Variants in CDCA3 observed in about 807,000 individuals in gnomAD.
CDCA3 encodes cell division cycle associated 3, also known as cell division cycle-associated protein 3.
CDCA3 carries 16 observed loss-of-function variants against 29.1 expected under a neutral mutation model. That is an observed-to-expected ratio of 0.55 (90% CI 0.37 to 0.83). The LOEUF (loss-of-function observed/expected upper bound fraction) is 0.83, where lower values mean the gene tolerates loss of function less well. Ranked by LOEUF, CDCA3 falls within the 40% of genes least tolerant of loss-of-function variation. The probability of loss-of-function intolerance (pLI) is 0.00; values close to 1 mark genes in which losing one functional copy is unlikely to be tolerated. For synonymous variants in CDCA3, 88 were observed against 124.5 expected (o/e 0.71, Z 1.95); for missense variants, 291 against 327.2 (o/e 0.89, Z 0.85).
downstream of CDCA3, chr12:6,847,248 C>T (rs1943725029): frequency 6.4e-6 from 2 of 312,850 alleles, no homozygotes; most frequent in Admixed American, 4.3e-5. Context: ...TACCTTTGTC[C>T]AGGCCTGGGT....
Position 6,849,823 on chromosome 12 carries a change from C to T in CDCA3, c.286G>A (p.Val96Ile), listed in dbSNP as rs782448737. ...GATTTAGAGTCTTCAGTTTCAAATA[C>T]TTCACTCAGCTGTTTCACCAGTGGG... is the stretch of plus-strand genomic sequence containing the variant. The part of the protein sequence containing the change: ...PSPLVKQLSE[V>I]FETEDSKSNL... The change falls in exon 4 of 6, where the codon GTA becomes ATA. Residue 96 changes from valine (V) to isoleucine (I), a missense_variant. By Grantham distance (29) the Val-to-Ile change is conservative. Coordinates refer to ENST00000538862, the MANE Select transcript of CDCA3 (RefSeq NM_031299.7). The surrounding 1 kb of genome is among the most constrained non-coding windows in gnomAD (Gnocchi z 5.2). The T allele has an allele frequency of 3.8e-6, 6 of 1,560,244 alleles. No homozygotes were observed. The highest frequency in any genetic ancestry group is 1.9e-5 in the Admixed American group (1 of 52,992).
Position 6,849,889 on chromosome 12 carries a change from C to G in CDCA3, c.251-31G>C. The G allele has an allele frequency of 6.7e-7, 1 of 1,491,362 alleles. No individual in the cohort carries two copies. The highest frequency in any genetic ancestry group is 8.9e-7 in the Non-Finnish European group (1 of 1,117,460). 92.4% of individuals were successfully genotyped at this position (1,491,362 alleles called of 1,614,324 possible). A position where few individuals can be genotyped will look rare whatever the true frequency, so the allele number is the denominator to read the frequency against. The stretch of plus-strand genomic sequence containing the variant: ...GGAAGAAAGTGAAGTGAACAGTGAC[C>G]TTCTGATACACAACATTCAGCAAGG... On this transcript the variant is annotated intron_variant, in intron 3 of 5. Coordinates refer to ENST00000538862, the MANE Select transcript of CDCA3 (RefSeq NM_031299.7). This position sits in a 1 kb window ranked among gnomAD's most constrained non-coding sequence, Gnocchi z 5.2.
chr12:6,850,504 A>G lies in CDCA3; in HGVS notation c.213T>C (p.Leu71=). 1.9e-6 allele frequency: 3 copies of G among 1,614,050 alleles called. No homozygotes were observed. The highest frequency in any genetic ancestry group is 2.5e-6 in the Non-Finnish European group (3 of 1,179,996). ...TCTTCATAGGTGTCCGTGCAATACC[A>G]AGAGTAGGAGAGCGGGGATCTGAGT... ...AQDSDPRSPT[L]GIARTPMKTS... Residue 71 remains leucine, a synonymous_variant, in exon 3 of 6, where the codon CTT becomes CTC. Coordinates refer to ENST00000538862, the MANE Select transcript of CDCA3 (RefSeq NM_031299.7). This position sits in a 1 kb window ranked among gnomAD's most constrained non-coding sequence, Gnocchi z 4.7.
rs782699295 is a variant in CDCA3, at chr12:6,850,596, C to G, written c.121G>C (p.Val41Leu). 1.9e-5 allele frequency: 31 copies of G among 1,614,100 alleles called. No homozygotes were observed. The highest frequency in any genetic ancestry group is 2.5e-5 in the Non-Finnish European group (30 of 1,180,006). Residue 41 changes from valine to leucine, a missense_variant and splice_region_variant, in exon 3 of 6, where the codon GTG becomes CTG. Transcript: ENST00000538862. This position sits in a 1 kb window ranked among gnomAD's most constrained non-coding sequence, Gnocchi z 4.7. ...AGGCCTGGCTGTGGAGAGCTCTCCA[C>G]CTGTCAAGACCATAGGCTAGAACAA... ...SAGILRTPIQ[V>L]ESSPQPGLPA...
rs1745464269 is a variant in CDCA3, at chr12:6,849,103, T to A, written c.747A>T (p.Ala249=). The A allele has an allele frequency of 1.3e-6, 2 of 1,501,704 alleles. No homozygotes were observed. The highest frequency in any genetic ancestry group is 1.9e-6 in the Non-Finnish European group (2 of 1,077,384). The allele number at this position is 1,501,704 out of a possible 1,614,324, so 93.0% of individuals were successfully genotyped here. A position where few individuals can be genotyped will look rare whatever the true frequency, so the allele number is the denominator to read the frequency against. Residue 249 remains alanine, a synonymous_variant, in exon 6 of 6, where the codon GCA becomes GCT. Transcript: ENST00000538862. This position sits in a 1 kb window ranked among gnomAD's most constrained non-coding sequence, Gnocchi z 5.2. ...TGTCATGGTCCTGGCCTTGCTCCCA[T>A]GCTCGTCCTCCAGTTTTCAGAAGTC... ...TGRLLKTGGR[A]WEQGQDHDKE... is the part of the protein sequence containing the mutation.
Position 6,849,624 on chromosome 12 carries a change from G to A in CDCA3, c.485C>T (p.Pro162Leu). Residue 162 changes from proline (P) to leucine (L), a missense_variant, in exon 4 of 6, where the codon CCT becomes CTT. Transcript: ENST00000538862. This position sits in a 1 kb window ranked among gnomAD's most constrained non-coding sequence, Gnocchi z 5.2. ...KEEARQPTET[P>L]VASQSSDKPS... is the part of the protein sequence containing the mutation. ...CTTGTCGGAGCTCTGGCTGGCCACA[G>A]GGGTTTCTGTGGGCTGTCTTGCTTC... The A allele has an allele frequency of 6.2e-7, 1 of 1,614,110 alleles. No homozygotes were observed. Among genetic ancestry groups the A allele is most frequent in the Non-Finnish European group, 8.5e-7 (1 of 1,179,976 alleles).
downstream of CDCA3, chr12:6,845,316 G>A: frequency 2.2e-6 from 1 of 444,588 alleles, no homozygotes; most frequent in Non-Finnish European, 4.1e-6. Flanking sequence ...CCGGGTCACT[G>A]CAGGCAAGCC....
chr12:6,850,253 A>T lies in CDCA3; in HGVS notation c.250+214T>A. On this transcript the variant is annotated intron_variant, in intron 3 of 5. Transcript: ENST00000538862. This position sits in a 1 kb window ranked among gnomAD's most constrained non-coding sequence, Gnocchi z 4.7. ...GGCTGGTCTTGAACTCCTGGGCTCAAGCGATCTGACCACCCCGGCCTTCCA... is the reference window on the plus strand; with the variant it reads ...GGCTGGTCTTGAACTCCTGGGCTCATGCGATCTGACCACCCCGGCCTTCCA... 8.3e-6 allele frequency: 5 copies of T among 603,716 alleles called. No homozygotes were observed. In the South Asian group the frequency reaches 9.9e-5, roughly 12 times the overall value. 37.4% of individuals were successfully genotyped at this position (603,716 alleles called of 1,614,324 possible).
At chr12:6,845,493 T>C, downstream of CDCA3, 1 of 808,354 alleles carries the variant, frequency 1.2e-6, no homozygotes, top group Non-Finnish European at 2.0e-6. Flanking sequence ...AGCAGCGGCT[T>C]GCCCTGGAGC....
Position 6,849,003 on chromosome 12 carries a change from C to T in CDCA3, c.*40G>A. 1 of 788,606 alleles carries T rather than the reference C, an allele frequency of 1.3e-6. No individual in the cohort carries two copies. Among genetic ancestry groups the T allele is most frequent in the East Asian group, 2.4e-5 (1 of 41,228 alleles). 48.9% of individuals were successfully genotyped at this position (788,606 alleles called of 1,614,324 possible). On this transcript the variant is annotated 3_prime_UTR_variant, in exon 6 of 6. Coordinates refer to ENST00000538862, the MANE Select transcript of CDCA3 (RefSeq NM_031299.7). This position sits in a 1 kb window ranked among gnomAD's most constrained non-coding sequence, Gnocchi z 5.2. ...AAGGGGTGAGAGGACACAGATATCA[C>T]CAGGCCCTGGGTGACTGCATTGCTG...
chr12:6,850,096 C>T lies in CDCA3; in HGVS notation c.251-238G>A. 1 of 510,214 alleles carries T rather than the reference C, an allele frequency of 2.0e-6. No individual in the cohort carries two copies. Among genetic ancestry groups the T allele is most frequent in the East Asian group, 3.2e-5 (1 of 31,612 alleles). The allele number at this position is 510,214 out of a possible 1,614,324, so 31.6% of individuals were successfully genotyped here. On this transcript the variant is annotated intron_variant, in intron 3 of 5. Transcript: ENST00000538862. The surrounding 1 kb of genome is among the most constrained non-coding windows in gnomAD (Gnocchi z 4.7). Reference sequence around the variant, plus strand: ...TTCACTGCAGCCTTGACCTTGTGGGCTCAAGCAATCCTCCCACTTCAGCCT... The same window carrying T: ...TTCACTGCAGCCTTGACCTTGTGGGTTCAAGCAATCCTCCCACTTCAGCCT...
chr12:6,849,183 G>A lies in CDCA3; in HGVS notation c.667C>T (p.Pro223Ser), dbSNP rs782713955. ...LTLRQGKRPS[P>S]LSENVSELKE... ...AGTTCACTAACATTTTCACTTAGGG[G>A]TGAAGGCCGCTTACCCTGAAAACGG... The change falls in exon 6 of 6, where the codon CCC (proline) becomes TCC (serine). Residue 223 changes from proline to serine, a missense_variant. By Grantham distance (74) the Pro-to-Ser change is moderately conservative (BLOSUM62 -1). Transcript: ENST00000538862. This position sits in a 1 kb window ranked among gnomAD's most constrained non-coding sequence, Gnocchi z 5.2. The A allele has an allele frequency of 6.2e-7, 1 of 1,614,208 alleles. No homozygotes were observed. The highest frequency in any genetic ancestry group is 1.1e-5 in the South Asian group (1 of 91,082).
Position 6,849,064 on chromosome 12 carries a change from G to T in CDCA3, c.786C>A (p.His262Gln). 8.9e-7 allele frequency: 1 copy of T among 1,128,790 alleles called. No homozygotes were observed. Among genetic ancestry groups the T allele is most frequent in the Non-Finnish European group, 1.4e-6 (1 of 736,742 alleles). 69.9% of individuals were successfully genotyped at this position (1,128,790 alleles called of 1,614,324 possible). Residue 262 changes from histidine (H) to glutamine (Q), a missense_variant, in exon 6 of 6, where the codon CAC (histidine) becomes CAA (glutamine). Transcript: ENST00000538862. The surrounding 1 kb of genome is among the most constrained non-coding windows in gnomAD (Gnocchi z 5.2). Reference sequence around the variant, plus strand: ...GGGCCTAGCTCTCCACCAAGGGAAAGTGCTGATTTTCCTTGTCATGGTCCT... The same window carrying T: ...GGGCCTAGCTCTCCACCAAGGGAAATTGCTGATTTTCCTTGTCATGGTCCT... Reference protein sequence around the residue: ...QGQDHDKENQHFPLVES With the variant: ...QGQDHDKENQQFPLVES
chr12:6,849,953 G>T lies in CDCA3; in HGVS notation c.251-95C>A. ...GAAACCCAGGACTCATGCCCAGGAGGGTGAGCAAGTGGGAAGAGAGAAATC... is the reference window on the plus strand; with the variant it reads ...GAAACCCAGGACTCATGCCCAGGAGTGTGAGCAAGTGGGAAGAGAGAAATC... On this transcript the variant is annotated intron_variant, in intron 3 of 5. Transcript: ENST00000538862. This position sits in a 1 kb window ranked among gnomAD's most constrained non-coding sequence, Gnocchi z 5.2. The T allele has an allele frequency of 8.6e-7, 1 of 1,161,224 alleles. No individual in the cohort carries two copies. The highest frequency in any genetic ancestry group is 1.2e-6 in the Non-Finnish European group (1 of 849,096). 71.9% of individuals were successfully genotyped at this position (1,161,224 alleles called of 1,614,324 possible).
In CDCA3 at chr12:6,849,377, G is replaced by A. The variant is rs1335483613; in HGVS notation, c.597C>T (p.Ser199=). Residue 199 remains serine (S), a synonymous_variant, in exon 5 of 6, where the codon TCC becomes TCT. Transcript: ENST00000538862. The surrounding 1 kb of genome is among the most constrained non-coding windows in gnomAD (Gnocchi z 5.2). Reference sequence around the variant, plus strand: ...TGTCATCCTGCAGGATGGTGAGGGGGGATCTCCCTAGTACCTTGCTGCTGT... The same window carrying A: ...TGTCATCCTGCAGGATGGTGAGGGGAGATCTCCCTAGTACCTTGCTGCTGT... ...KPNSSKVLGR[S]PLTILQDDNS... 3.7e-6 allele frequency: 6 copies of A among 1,606,206 alleles called. No homozygotes were observed. The highest frequency in any genetic ancestry group is 5.1e-6 in the Non-Finnish European group (6 of 1,176,168).
chr12:6,846,613 G>GCACACATGCACA, downstream of CDCA3: 1 of 536,408 alleles, frequency 1.9e-6, no homozygotes. Flanking sequence ...ATGTGCTCAA[G>GCACACATGCACA]CACACATGCA....
Position 6,849,420 on chromosome 12 carries a change from C to T in CDCA3, c.554G>A (p.Arg185His), listed in dbSNP as rs782553512. The stretch of plus-strand genomic sequence containing the variant: ...GCTGCTGTTTGGTTTCCATCTATTG[C>T]GCATAGAACCTGGGGTGGGTAAGGC... Reference protein sequence around the residue: ...PETPRSSGSMRNRWKPNSSKV... With the variant: ...PETPRSSGSMHNRWKPNSSKV... The change falls in exon 5 of 6, where the codon CGC becomes CAC. Residue 185 changes from arginine (R) to histidine (H), a missense_variant. Coordinates refer to ENST00000538862, the MANE Select transcript of CDCA3 (RefSeq NM_031299.7). This position sits in a 1 kb window ranked among gnomAD's most constrained non-coding sequence, Gnocchi z 5.2. 8 of 1,590,354 alleles carry T rather than the reference C, an allele frequency of 5.0e-6. No individual in the cohort carries two copies. The highest frequency in any genetic ancestry group is 1.1e-5 in the South Asian group (1 of 87,162).
In CDCA3 at chr12:6,850,807, G is replaced by C. The variant is rs1555126296; in HGVS notation, c.120+26C>G. On this transcript the variant is annotated intron_variant, in intron 2 of 5. Transcript: ENST00000538862. This position sits in a 1 kb window ranked among gnomAD's most constrained non-coding sequence, Gnocchi z 4.7. ...AGACCCAAGAATTCAGACATTCTCT[G>C]CCTTTCCCACGCTGGCCCAGAGTAC... 2 of 1,611,254 alleles carry C rather than the reference G, an allele frequency of 1.2e-6. No homozygotes were observed. Among genetic ancestry groups the C allele is most frequent in the Admixed American group, 1.7e-5 (1 of 59,722 alleles).
downstream of CDCA3, chr12:6,845,985 G>A: frequency 3.3e-6 from 2 of 599,478 alleles, no homozygotes; most frequent in Non-Finnish European, 6.0e-6. Context: ...TTTTCCCTCA[G>A]TGTTGCTCTA....
Sources: allele counts gnomAD v4.1 joint callset, GRCh38; gene constraint gnomAD v4.1.1; non-coding constraint Gnocchi (gnomAD v3.1); transcripts MANE v1.5; gene names NCBI Gene and HGNC (gene_info 2026-07-23, HGNC 2026-07-21).